Variants in LMNTD1 observed in about 807,000 individuals in gnomAD.
LMNTD1 encodes the protein lamin tail domain-containing protein 1.
Under a neutral mutation model 50.9 loss-of-function variants are expected in LMNTD1, and 35 were observed. The observed-to-expected ratio is 0.69, with a 90% CI of 0.53 to 0.91. The LOEUF (loss-of-function observed/expected upper bound fraction) is 0.91. Among genes scored for constraint, LMNTD1 ranks in the 40% least tolerant of loss-of-function variants. The probability of loss-of-function intolerance (pLI) is 0.00; values close to 1 mark genes in which losing one functional copy is unlikely to be tolerated. For synonymous variants in LMNTD1, 153 were observed against 161.9 expected (o/e 0.94, Z 0.42); for missense variants, 470 against 475.5 (o/e 0.99, Z 0.11).
chr12:25,495,223 T>G (rs1939017771), intron 9 of LMNTD1, among the ~76,000 whole-genome samples: 1 of 149,186 alleles, frequency 6.7e-6, no homozygotes, highest in Non-Finnish European at 1.5e-5. Flanking sequence ...CTTTTACTAT[T>G]TCCTGCCAAA....
At chr12:25,613,001 A>G (rs1946280692) in intron 1 of LMNTD1, among the ~76,000 whole-genome samples, 1 of 152,162 alleles carries the variant, frequency 6.6e-6, no homozygotes, top group African/African-American at 2.4e-5. Flanking sequence ...CAGCAGGAGA[A>G]AGAGCAATGT....
intron 1 of LMNTD1, among the ~76,000 whole-genome samples, chr12:25,589,995 G>A (rs1945648325): frequency 6.6e-6 from 1 of 152,116 alleles, no homozygotes; most frequent in South Asian, 2.1e-4. Context: ...GCAAGACAGT[G>A]GAAGAGAAGT....
At chr12:25,522,824 A>G (rs944334028) in intron 6 of LMNTD1, among the ~76,000 whole-genome samples, 3 of 152,196 alleles carry the variant, frequency 2.0e-5, no homozygotes, top group Non-Finnish European at 4.4e-5. Flanking sequence ...TGATTATATT[A>G]TACAGTCTCT....
In LMNTD1 at chr12:25,590,614, G is replaced by T. The variant is rs888415239; in HGVS notation, c.59-44060C>A. Among the ~76,000 whole-genome samples, 3 of 152,300 alleles carry T rather than the reference G, an allele frequency of 2.0e-5. No homozygotes were observed. The East Asian group carries it at 5.8e-4, about 29-fold the overall frequency. Reference sequence around the variant, plus strand: ...ATCAACCCTTCCTTAGCCCCAGGCTGCATAGCTTGTGGCTTAAAAACAGAC... The same window carrying T: ...ATCAACCCTTCCTTAGCCCCAGGCTTCATAGCTTGTGGCTTAAAAACAGAC... On this transcript the variant is annotated intron_variant, in intron 1 of 7. Coordinates refer to the LMNTD1 transcript ENST00000445693.
rs868017600 is a variant in LMNTD1, at chr12:25,615,715, C to T, written c.58+32779G>A. Among the ~76,000 whole-genome samples, 18 of 152,254 alleles carry T rather than the reference C, an allele frequency of 1.2e-4. 1 individual carries two copies. The highest frequency in any genetic ancestry group is 6.8e-3 in the Middle Eastern group (2 of 294). On this transcript the variant is annotated intron_variant, in intron 1 of 7. Transcript: ENST00000445693. ...AGTTCAAGCGATCTGCCTGCCTTGGCCTCCTAAAGTGCTGGGACTACAGGT... is the reference window on the plus strand; with the variant it reads ...AGTTCAAGCGATCTGCCTGCCTTGGTCTCCTAAAGTGCTGGGACTACAGGT...
At chr12:25,623,220 A>C (rs774911436) in intron 1 of LMNTD1, among the ~76,000 whole-genome samples, 1 of 152,086 alleles carries the variant, frequency 6.6e-6, no homozygotes, top group Admixed American at 6.6e-5. Context: ...AGGGCTGGTC[A>C]TCTAGTAAAG....
chr12:25,591,859 C>G (rs1467435198), intron 1 of LMNTD1, among the ~76,000 whole-genome samples: 4 of 52,822 alleles, frequency 7.6e-5, no homozygotes, highest in South Asian at 6.8e-4. Flanking sequence ...GAGAGAGAGA[C>G]TCTATTTATT....
At chr12:25,523,196 G>A (rs1281003762) in intron 6 of LMNTD1, among the ~76,000 whole-genome samples, 1 of 151,970 alleles carries the variant, frequency 6.6e-6, no homozygotes, top group African/African-American at 2.4e-5. Flanking sequence ...ACCACACCCA[G>A]CTAATGTTTG....
At chr12:25,483,662 C>T (rs1223197359) in intron 9 of LMNTD1, among the ~76,000 whole-genome samples, 1 of 151,684 alleles carries the variant, frequency 6.6e-6, no homozygotes, top group East Asian at 1.9e-4. Context: ...GTCCCAGCTA[C>T]TCAAGAGGCT....
rs138084240 is a variant in LMNTD1, at chr12:25,481,865, TCACACACACACACACA to T, written c.*23-5421_*23-5406del. Among the ~76,000 whole-genome samples the T allele has an allele frequency of 2.0e-3, 267 of 132,704 alleles. 4 individuals are homozygous for T. Among genetic ancestry groups the T allele is most frequent in the African/African-American group, 7.4e-3 (259 of 34,970 alleles). 87.1% of individuals were successfully genotyped at this position (132,704 alleles called of 152,430 possible). ...CAACATATAGTAATATATTGCCTCTTCACACACACACACACACACACACACACACACACACACACAC... is the reference window on the plus strand; with the variant it reads ...CAACATATAGTAATATATTGCCTCTTCACACACACACACACACACACACAC... On this transcript the variant is annotated intron_variant, in intron 9 of 9. Transcript: ENST00000458174.
intron 1 of LMNTD1, among the ~76,000 whole-genome samples, chr12:25,636,050 A>G (rs867066912): frequency 2.0e-5 from 3 of 152,222 alleles, no homozygotes; most frequent in South Asian, 2.1e-4. Flanking sequence ...AACTTTGGAC[A>G]ACCCCTTCTA....
chr12:25,644,465 A>C (rs1325708185), intron 1 of LMNTD1, among the ~76,000 whole-genome samples: 1 of 152,142 alleles, frequency 6.6e-6, no homozygotes. Context: ...CAGCATAATA[A>C]GACCTGTCTC....
intron 1 of LMNTD1, among the ~76,000 whole-genome samples, chr12:25,639,953 G>C (rs181731391): frequency 6.6e-6 from 1 of 152,142 alleles, no homozygotes; most frequent in Non-Finnish European, 1.5e-5. Context: ...CATCCAATGG[G>C]ATATTATTCA....
In LMNTD1 at chr12:25,612,328, A is replaced by ACACACACGCG. The variant is rs34069424; in HGVS notation, c.58+36165_58+36166insCGCGTGTGTG. Reference sequence around the variant, plus strand: ...CACACACACACACACACACACACACACGCGCTCCCACTGTCAACAACACTG... The same window carrying ACACACACGCG: ...CACACACACACACACACACACACACACACACACGCGCGCGCTCCCACTGTCAACAACACTG... On this transcript the variant is annotated intron_variant, in intron 1 of 7. Transcript: ENST00000445693. Among the ~76,000 whole-genome samples the ACACACACGCG allele has an allele frequency of 5.8e-3, 845 of 146,508 alleles. 14 individuals are homozygous for ACACACACGCG. The East Asian group carries it at 0.064, about 11-fold the overall frequency.
intron 1 of LMNTD1, among the ~76,000 whole-genome samples, chr12:25,594,019 A>G (rs1472863089): frequency 6.6e-6 from 1 of 152,188 alleles, no homozygotes; most frequent in Non-Finnish European, 1.5e-5. Flanking sequence ...AACAAAGACA[A>G]AGAAAAAAGA....
At chr12:25,604,662 C>A (rs1177989236) in intron 1 of LMNTD1, among the ~76,000 whole-genome samples, 1 of 152,116 alleles carries the variant, frequency 6.6e-6, no homozygotes, top group East Asian at 1.9e-4. Context: ...TCCATGTCCC[C>A]ATAAAGGACA....
intron 8 of LMNTD1, among the ~76,000 whole-genome samples, chr12:25,507,824 G>C (rs1322932353): frequency 1.3e-5 from 2 of 152,116 alleles, no homozygotes; most frequent in Non-Finnish European, 2.9e-5. Context: ...ATATTTTAAG[G>C]GCTGCAATTA....
intron 1 of LMNTD1, among the ~76,000 whole-genome samples, chr12:25,611,224 G>A (rs976565709): frequency 5.3e-5 from 8 of 152,162 alleles, no homozygotes; most frequent in South Asian, 4.2e-4. Flanking sequence ...ATGGCGTACT[G>A]GAGACAGAAA....
rs148593054 is a variant in LMNTD1, at chr12:25,644,789, C to T, written c.58+3705G>A. ...AGGGTGGGTAGGATCAGAGTAGGAC[C>T]GGAAGGATTCACCTCTGATAGGAGC... On this transcript the variant is annotated intron_variant, in intron 1 of 7. Transcript: ENST00000445693. Among the ~76,000 whole-genome samples the T allele has an allele frequency of 4.1e-3, 624 of 152,090 alleles. 1 individual carries two copies. The highest frequency in any genetic ancestry group is 0.014 in the African/African-American group (578 of 41,494).
Sources: gnomAD v4.1 joint callset for allele counts (sites outside exome capture counted in the v4.1 genomes callset) on GRCh38, gnomAD v4.1.1 for gene constraint, MANE v1.5 for transcripts, NCBI Gene and HGNC (gene_info 2026-07-23, HGNC 2026-07-21) for gene names.